KDM4C: variants seen among roughly 807,000 people sequenced by gnomAD.
KDM4C encodes the protein lysine demethylase 4C.
Under a neutral mutation model 129.3 loss-of-function variants are expected in KDM4C, and 81 were observed. The observed-to-expected ratio is 0.63, with a 90% confidence interval of 0.52 to 0.75. The LOEUF is 0.75. KDM4C is among the 30% of genes least tolerant of loss of function. KDM4C has a pLI of 0.00. For synonymous variants in KDM4C, 573 were observed against 456.1 expected (o/e 1.26, Z -3.26); for missense variants, 1,457 against 1,304.0 (o/e 1.12, Z -1.81).
chr9:7,139,248 C>G (rs1262542772), intron 19 of KDM4C, among the ~76,000 whole-genome samples: 1 of 152,148 alleles, frequency 6.6e-6, no homozygotes, highest in Non-Finnish European at 1.5e-5. Context: ...GCTCTCCAGT[C>G]TGGGTGACAG....
chr9:7,123,112 C>G (rs548079764), intron 18 of KDM4C, among the ~76,000 whole-genome samples: 1 of 152,272 alleles, frequency 6.6e-6, no homozygotes, highest in South Asian at 2.1e-4. Flanking sequence ...ATGGTCATGC[C>G]TGAAGTTTCT....
At chr9:6,725,205 C>G (rs971035056) in intron 1 of KDM4C, among the ~76,000 whole-genome samples, 1 of 152,068 alleles carries the variant, frequency 6.6e-6, no homozygotes, top group Non-Finnish European at 1.5e-5. Flanking sequence ...TGACAATGTT[C>G]CACCAGGTAG....
rs79365874 is a variant in KDM4C at position 7,120,781 on chromosome 9, A to G, written c.2611-7285A>G. ...TTCTCTCAAGTCTTTCTTACATCAT[A>G]TTTACTGAACTGAAGAATAAATGTT... On this transcript the variant is annotated intron_variant, in intron 18 of 21. Coordinates refer to ENST00000381309, the MANE Select transcript of KDM4C (RefSeq NM_015061.6). 3.5e-3 allele frequency among the ~76,000 whole-genome samples: 539 copies of G among 152,286 alleles called. 29 individuals are homozygous for G. The East Asian group carries it at 0.095, about 27-fold the overall frequency.
At position 6,816,976 on chromosome 9, in the gene KDM4C, C is replaced by G. The variant is rs537103897; in HGVS notation, c.435+2231C>G. 8.0e-4 allele frequency among the ~76,000 whole-genome samples: 122 copies of G among 151,712 alleles called. 1 individual carries two copies. Among genetic ancestry groups the G allele is most frequent in the Non-Finnish European group, 1.5e-3 (103 of 67,988 alleles). Reference sequence around the variant, plus strand: ...AATATGAATTTTTAATTGCTGAACACTTATTTCAAAGACGATTCTTATTTT... The same window carrying G: ...AATATGAATTTTTAATTGCTGAACAGTTATTTCAAAGACGATTCTTATTTT... On this transcript the variant is annotated intron_variant, in intron 4 of 21. Coordinates refer to ENST00000381309, the MANE Select transcript of KDM4C (RefSeq NM_015061.6).
At chr9:6,907,057 T>C (rs995599969) in intron 8 of KDM4C, among the ~76,000 whole-genome samples, 4 of 152,240 alleles carry the variant, frequency 2.6e-5, no homozygotes, top group South Asian at 2.1e-4. Flanking sequence ...TGTGAAAATA[T>C]GCTTACAAGC....
intron 5 of KDM4C, among the ~76,000 whole-genome samples, chr9:6,863,901 A>G (rs1428816999): frequency 6.6e-6 from 1 of 151,944 alleles, no homozygotes; most frequent in African/African-American, 2.4e-5. Flanking sequence ...TACCGTGAAG[A>G]TGGCACCAAG....
At chr9:6,809,910 T>C (rs569168790) in intron 3 of KDM4C, among the ~76,000 whole-genome samples, 1 of 152,248 alleles carries the variant, frequency 6.6e-6, no homozygotes, top group East Asian at 1.9e-4. Flanking sequence ...GGATTGCTTG[T>C]GCCTGGGAGG....
chr9:7,004,227 C>T (rs1233444762), intron 12 of KDM4C, among the ~76,000 whole-genome samples: 3 of 152,168 alleles, frequency 2.0e-5, no homozygotes, highest in Non-Finnish European at 2.9e-5. Flanking sequence ...TTACATGTAA[C>T]AAAATTTGTT....
intron 12 of KDM4C, among the ~76,000 whole-genome samples, chr9:6,994,001 A>T (rs990147277): frequency 6.6e-6 from 1 of 152,066 alleles, no homozygotes; most frequent in Non-Finnish European, 1.5e-5. Context: ...CTGGTTTTGT[A>T]GAAGACAGTT....
At chr9:7,081,036 A>G (rs952368465) in intron 17 of KDM4C, among the ~76,000 whole-genome samples, 4 of 152,222 alleles carry the variant, frequency 2.6e-5, no homozygotes, top group African/African-American at 9.7e-5. Flanking sequence ...AGCTTGAACA[A>G]CTTCTGCTAT....
intron 8 of KDM4C, among the ~76,000 whole-genome samples, chr9:6,934,220 G>C (rs900873743): frequency 6.6e-6 from 1 of 151,818 alleles, no homozygotes; most frequent in Non-Finnish European, 1.5e-5. Context: ...GGGGTCTCAC[G>C]CCGGTAATCC....
intron 11 of KDM4C, among the ~76,000 whole-genome samples, chr9:6,987,131 T>C (rs1238006349): frequency 6.6e-6 from 1 of 152,150 alleles, no homozygotes; most frequent in Non-Finnish European, 1.5e-5. Context: ...ACTGATCACT[T>C]TCTGCCAATA....
intron 1 of KDM4C, among the ~76,000 whole-genome samples, chr9:6,789,813 G>A (rs1007070237): frequency 6.6e-6 from 1 of 152,006 alleles, no homozygotes; most frequent in Non-Finnish European, 1.5e-5. Context: ...CCTGTTGCAG[G>A]CCCCCTCCCT....
At chr9:6,844,402 T>C (rs1202929992) in intron 4 of KDM4C, among the ~76,000 whole-genome samples, 2 of 152,176 alleles carry the variant, frequency 1.3e-5, no homozygotes, top group East Asian at 3.9e-4. Context: ...GTGGTCACAG[T>C]AATTTTTTGT....
At chr9:6,862,588 A>C (rs974400872) in intron 5 of KDM4C, among the ~76,000 whole-genome samples, 2 of 152,136 alleles carry the variant, frequency 1.3e-5, no homozygotes, top group African/African-American at 4.8e-5. Context: ...GGATCACCGG[A>C]GGTCAGGAGT....
At chr9:6,870,549 C>T in intron 5 of KDM4C, among the ~76,000 whole-genome samples, 1 of 151,950 alleles carries the variant, frequency 6.6e-6, no homozygotes, top group East Asian at 1.9e-4. Flanking sequence ...GTTATCAGTG[C>T]TCAATAAATG....
At chr9:7,076,334 A>G in intron 17 of KDM4C, 1 of 798,226 alleles carries the variant, frequency 1.3e-6, no homozygotes, top group Non-Finnish European at 2.1e-6. Flanking sequence ...CTGAGCTGGG[A>G]TTAAATTAGT....
intron 15 of KDM4C, among the ~76,000 whole-genome samples, chr9:7,036,642 G>T (rs1212635653): frequency 6.6e-6 from 1 of 152,144 alleles, no homozygotes; most frequent in Non-Finnish European, 1.5e-5. Flanking sequence ...TAAATTAGAT[G>T]AAGAAAAACT....
chr9:6,916,350 G>C (rs2131142345), intron 8 of KDM4C, among the ~76,000 whole-genome samples: 1 of 151,606 alleles, frequency 6.6e-6, no homozygotes, highest in African/African-American at 2.4e-5. Context: ...CAATTTTAAT[G>C]AGAGTTTTTT....
Sources: gnomAD v4.1 joint callset for allele counts (sites outside exome capture counted in the v4.1 genomes callset) on GRCh38, gnomAD v4.1.1 for gene constraint, MANE v1.5 for transcripts, NCBI Gene and HGNC (gene_info 2026-07-23, HGNC 2026-07-21) for gene names.